Variants in ATXN7 observed in about 807,000 individuals in gnomAD.
The protein encoded by ATXN7 is ataxin 7.
Under a neutral mutation model 70.5 loss-of-function variants are expected in ATXN7, and 12 were observed. The ratio of observed to expected loss-of-function variants is 0.17; its 90% CI spans 0.11 to 0.28. The LOEUF (loss-of-function observed/expected upper bound fraction) is 0.28. Ranked by LOEUF, ATXN7 falls within the 10% of genes least tolerant of loss-of-function variation. The pLI is 1.00. For synonymous variants in ATXN7, 498 were observed against 448.7 expected (o/e 1.11, Z -1.39); for missense variants, 1,256 against 1,131.7 (o/e 1.11, Z -1.58).
intron 4 of ATXN7, among the ~76,000 whole-genome samples, chr3:63,944,396 A>G (rs1011148813): frequency 6.6e-6 from 1 of 152,210 alleles, no homozygotes; most frequent in African/African-American, 2.4e-5. Context: ...AGTAATAAGT[A>G]TTACTTGAAC....
chr3:63,965,178 A>G (rs936667654), intron 5 of ATXN7, among the ~76,000 whole-genome samples: 4 of 152,144 alleles, frequency 2.6e-5, no homozygotes, highest in Non-Finnish European at 5.9e-5. Context: ...TCATCCATCC[A>G]GTTTCTCCTT....
chr3:63,892,831 A>C (rs980596383), intron 1 of ATXN7, among the ~76,000 whole-genome samples: 1 of 152,196 alleles, frequency 6.6e-6, no homozygotes, highest in Non-Finnish European at 1.5e-5. Flanking sequence ...TTGCAGACCC[A>C]GCCTCCAGGA....
At chr3:63,960,432 C>T (rs1335439355) in intron 5 of ATXN7, among the ~76,000 whole-genome samples, 3 of 152,094 alleles carry the variant, frequency 2.0e-5, no homozygotes, top group Non-Finnish European at 4.4e-5. Flanking sequence ...CACGTGGTTG[C>T]TGTATGGAAC....
chr3:63,928,939 T>C (rs1704824749), intron 4 of ATXN7, among the ~76,000 whole-genome samples: 1 of 152,170 alleles, frequency 6.6e-6, no homozygotes, highest in Non-Finnish European at 1.5e-5. Flanking sequence ...GGAAATGGAT[T>C]ATGTCAGGAC....
chr3:63,919,896 G>C (rs554105889), intron 4 of ATXN7, among the ~76,000 whole-genome samples: 1 of 151,798 alleles, frequency 6.6e-6, no homozygotes, highest in South Asian at 2.1e-4. Context: ...CTTGTGTTCT[G>C]TTAAGCCCCT....
chr3:63,990,456 G>C, intron 10 of ATXN7, 82 bp downstream of exon 10: 2 of 1,531,778 alleles, frequency 1.3e-6, no homozygotes, highest in Non-Finnish European at 9.0e-7. Context: ...CAGGGATCTT[G>C]GCATGCCCGT....
chr3:63,962,684 C>T (rs1049626856), intron 5 of ATXN7, among the ~76,000 whole-genome samples: 2 of 151,898 alleles, frequency 1.3e-5, no homozygotes, highest in Non-Finnish European at 2.9e-5. Flanking sequence ...GGATTATAGG[C>T]GTGAACCACC....
intron 1 of ATXN7, among the ~76,000 whole-genome samples, chr3:63,871,995 A>G (rs1434411674): frequency 6.6e-6 from 1 of 152,078 alleles, no homozygotes; most frequent in African/African-American, 2.4e-5. Flanking sequence ...AACTATGATA[A>G]TTTTAGCAAA....
intron 4 of ATXN7, 83 bp downstream of exon 4, chr3:63,913,308 C>A: frequency 1.4e-6 from 2 of 1,390,214 alleles, no homozygotes; most frequent in South Asian, 2.4e-5. Context: ...AACATCAGCC[C>A]ACCATACCGA....
intron 11 of ATXN7, among the ~76,000 whole-genome samples, chr3:63,992,430 A>G (rs2075687233): frequency 6.6e-6 from 1 of 152,140 alleles, no homozygotes; most frequent in Non-Finnish European, 1.5e-5. Flanking sequence ...ATGAAATCTC[A>G]ACTTCATATT....
rs2106805562 is a variant in ATXN7, at chr3:63,996,198, T to C, written c.2376T>C (p.Ser792=). 1 of 1,613,944 alleles carries C rather than the reference T, an allele frequency of 6.2e-7. No homozygotes were observed. The highest frequency in any genetic ancestry group is 2.2e-5 in the East Asian group (1 of 44,848). ...GSPAESIKRM[S]VMVNSSDSTL... ...CTGCTGAATCCATCAAGAGGATGAG[T>C]GTGATGGTGAACAGCAGTGATTCTA... The change falls in exon 12 of 13, where the codon AGT becomes AGC. Residue 792 remains serine, a synonymous_variant. Coordinates refer to ENST00000674280, the MANE Select transcript of ATXN7 (RefSeq NM_001377405.1).
At chr3:63,937,844 C>T (rs765848207) in intron 4 of ATXN7, among the ~76,000 whole-genome samples, 1 of 152,142 alleles carries the variant, frequency 6.6e-6, no homozygotes. Flanking sequence ...GCGGTGCCTG[C>T]CTGTTTCCTC....
At chr3:63,983,197 G>A (rs932863925) in intron 8 of ATXN7, among the ~76,000 whole-genome samples, 176 bp downstream of exon 8, 1 of 152,218 alleles carries the variant, frequency 6.6e-6, no homozygotes, top group Non-Finnish European at 1.5e-5. Context: ...TTGACAAAAT[G>A]TGAAGTGCGT....
intron 1 of ATXN7, among the ~76,000 whole-genome samples, chr3:63,891,152 G>A (rs1227668308): frequency 6.6e-6 from 1 of 152,072 alleles, no homozygotes; most frequent in Non-Finnish European, 1.5e-5. Flanking sequence ...TGGGACTACA[G>A]GCACGCAGCA....
At chr3:63,990,471 G>C in intron 10 of ATXN7, 97 bp downstream of exon 10, 1 of 1,435,690 alleles carries the variant, frequency 7.0e-7, no homozygotes, top group African/African-American at 1.4e-5. Context: ...GCCCGTATGT[G>C]TGGGACGCGG....
chr3:63,996,516 C>T, intron 12 of ATXN7, 33 bp downstream of exon 12: 3 of 1,597,720 alleles, frequency 1.9e-6, no homozygotes, highest in Non-Finnish European at 1.7e-6. Flanking sequence ...CATGGGAATG[C>T]CCATTTCTTC....
intron 4 of ATXN7, among the ~76,000 whole-genome samples, chr3:63,928,145 G>C (rs1475959292): frequency 6.6e-6 from 1 of 152,106 alleles, no homozygotes; most frequent in Non-Finnish European, 1.5e-5. Context: ...AGTAAAAATA[G>C]CTACTGAAGG....
At chr3:63,951,112 T>C (rs887797983) in intron 4 of ATXN7, among the ~76,000 whole-genome samples, 2 of 152,164 alleles carry the variant, frequency 1.3e-5, no homozygotes, top group Non-Finnish European at 2.9e-5. Flanking sequence ...AATAATAGCT[T>C]GTAGAAACTA....
chr3:63,916,170 G>C (rs1028748422), intron 4 of ATXN7, among the ~76,000 whole-genome samples: 4 of 152,170 alleles, frequency 2.6e-5, no homozygotes, highest in African/African-American at 9.7e-5. Flanking sequence ...TACTTCCCAA[G>C]GTTATTGTAG....
Sources: gnomAD v4.1 joint callset for allele counts (sites outside exome capture counted in the v4.1 genomes callset) on GRCh38, gnomAD v4.1.1 for gene constraint, MANE v1.5 for transcripts, NCBI Gene and HGNC (gene_info 2026-07-23, HGNC 2026-07-21) for gene names.